GULP1: variants seen among roughly 807,000 people sequenced by gnomAD.
GULP1 encodes GULP PTB domain containing engulfment adaptor 1, also known as PTB domain-containing engulfment adapter protein 1.
A neutral mutation model predicts 40.9 loss-of-function variants in GULP1; 19 were observed. That is an observed-to-expected ratio of 0.46 (90% CI 0.32 to 0.68). The LOEUF is 0.68. GULP1 is among the 30% of genes least tolerant of loss of function. The pLI, the probability that GULP1 is intolerant of heterozygous loss-of-function variation, is 0.03. For synonymous variants in GULP1, 119 were observed against 117.6 expected (o/e 1.01, Z -0.08); for missense variants, 312 against 362.2 (o/e 0.86, Z 1.12).
At chr2:188,372,033 T>A (rs1159916844) in intron 1 of GULP1, among the ~76,000 whole-genome samples, 1 of 152,126 alleles carries the variant, frequency 6.6e-6, no homozygotes, top group Non-Finnish European at 1.5e-5. Flanking sequence ...ACTATGAGAT[T>A]GGAAGACTTT....
chr2:188,398,095 C>G (rs568742571), intron 2 of GULP1, among the ~76,000 whole-genome samples: 6 of 152,300 alleles, frequency 3.9e-5, no homozygotes, highest in African/African-American at 1.4e-4. Flanking sequence ...TTAAAAGATA[C>G]ACACAGAGGA....
At chr2:188,526,038 C>T (rs1173084357) in intron 5 of GULP1, among the ~76,000 whole-genome samples, 1 of 152,072 alleles carries the variant, frequency 6.6e-6, no homozygotes. Flanking sequence ...ACTCTATATT[C>T]CATTAGTAGT....
At chr2:188,592,789 A>G (rs928543645) in intron 11 of GULP1, 1 of 152,142 alleles carries the variant, frequency 6.6e-6, no homozygotes, top group Non-Finnish European at 1.5e-5. Flanking sequence ...TAATTTGGAG[A>G]GATGCAAAAA....
chr2:188,542,168 T>C (rs1416877682), intron 7 of GULP1: 1 of 152,074 alleles, frequency 6.6e-6, no homozygotes, highest in Non-Finnish European at 1.5e-5. Context: ...TATGAAATTC[T>C]ATGTTAAATC....
At chr2:188,315,258 ATGT>A (rs1396133154) in intron 1 of GULP1, among the ~76,000 whole-genome samples, 4 of 152,158 alleles carry the variant, frequency 2.6e-5, no homozygotes, top group Non-Finnish European at 5.9e-5. Flanking sequence ...TTATTACAGT[ATGT>A]TGTTGTAATT....
At chr2:188,376,850 A>C (rs921310980) in intron 1 of GULP1, among the ~76,000 whole-genome samples, 1 of 152,194 alleles carries the variant, frequency 6.6e-6, no homozygotes, top group South Asian at 2.1e-4. Flanking sequence ...ACTTTTTGAC[A>C]GGAATTTCAC....
chr2:188,363,183 G>A (rs1269186797), intron 1 of GULP1, among the ~76,000 whole-genome samples: 1 of 151,974 alleles, frequency 6.6e-6, no homozygotes, highest in African/African-American at 2.4e-5. Context: ...AGAATTTAAA[G>A]TCATAACATC....
intron 2 of GULP1, among the ~76,000 whole-genome samples, chr2:188,420,006 T>C (rs2055160727): frequency 6.6e-6 from 1 of 152,172 alleles, no homozygotes; most frequent in Non-Finnish European, 1.5e-5. Context: ...TTGACTATAT[T>C]TGTATGGGCT....
intron 4 of GULP1, among the ~76,000 whole-genome samples, chr2:188,501,179 C>T (rs1375832147): frequency 6.6e-6 from 1 of 151,880 alleles, no homozygotes; most frequent in Non-Finnish European, 1.5e-5. Flanking sequence ...ATAGTCCCCA[C>T]GTATCAAGGG....
chr2:188,311,804 ATATACT>A (rs1360743130), intron 1 of GULP1, among the ~76,000 whole-genome samples: 6 of 148,056 alleles, frequency 4.1e-5, no homozygotes, highest in African/African-American at 9.8e-5. Flanking sequence ...ATTTGTATGC[ATATACT>A]TATACGTATA....
At chr2:188,331,695 T>TA (rs1315431560) in intron 1 of GULP1, among the ~76,000 whole-genome samples, 4 of 152,182 alleles carry the variant, frequency 2.6e-5, no homozygotes, top group Admixed American at 6.5e-5. Context: ...TTTATGTATT[T>TA]AAAAAATCCA....
At chr2:188,432,859 A>G (rs777563568) in intron 2 of GULP1, among the ~76,000 whole-genome samples, 1 of 152,136 alleles carries the variant, frequency 6.6e-6, no homozygotes, top group Admixed American at 6.5e-5. Flanking sequence ...TACAAAATAC[A>G]TGTCCCTACA....
intron 7 of GULP1, among the ~76,000 whole-genome samples, chr2:188,561,297 C>CT (rs760777394): frequency 1.3e-5 from 2 of 152,152 alleles, no homozygotes; most frequent in Non-Finnish European, 2.9e-5. Flanking sequence ...GCACAGTGGA[C>CT]TGAGCAGGTG....
chr2:188,505,581 C>A (rs1395301416), intron 4 of GULP1, among the ~76,000 whole-genome samples: 1 of 151,672 alleles, frequency 6.6e-6, no homozygotes, highest in African/African-American at 2.4e-5. Flanking sequence ...GTACTGATTT[C>A]CTTGTACAAA....
chr2:188,313,566 C>T (rs13424443), intron 1 of GULP1, among the ~76,000 whole-genome samples: 3,415 of 152,156 alleles, frequency 0.022, 137 homozygotes, highest in African/African-American at 0.078. Context: ...CAGCTGTGCT[C>T]CTTTTGCTTA....
In GULP1 at chr2:188,548,325, G is replaced by A. The variant is rs537232786; in HGVS notation, c.399+7007G>A. ...GGATCAATTGTATTGCTGTATACTAGTAGTGAACATATGGATACAGAAATT... is the reference window on the plus strand; with the variant it reads ...GGATCAATTGTATTGCTGTATACTAATAGTGAACATATGGATACAGAAATT... On this transcript the variant is annotated intron_variant, in intron 7 of 11. Transcript: ENST00000409830. Among the ~76,000 whole-genome samples, 4 of 152,178 alleles carry A rather than the reference G, an allele frequency of 2.6e-5. No homozygotes were observed. In the South Asian group the frequency reaches 8.3e-4, roughly 32 times the overall value.
intron 2 of GULP1, among the ~76,000 whole-genome samples, chr2:188,431,465 C>A (rs751807493): frequency 6.6e-6 from 1 of 151,948 alleles, no homozygotes; most frequent in Non-Finnish European, 1.5e-5. Flanking sequence ...ATCTGAGAAA[C>A]TTAAAAGAAA....
chr2:188,335,864 G>A (rs1183934444), intron 1 of GULP1, among the ~76,000 whole-genome samples: 1 of 152,114 alleles, frequency 6.6e-6, no homozygotes, highest in Non-Finnish European at 1.5e-5. Flanking sequence ...GCAGAATTTT[G>A]GTTGTGTGAA....
At chr2:188,325,970 A>G (rs2040702276) in intron 1 of GULP1, among the ~76,000 whole-genome samples, 1 of 152,132 alleles carries the variant, frequency 6.6e-6, no homozygotes, top group South Asian at 2.1e-4. Context: ...ATGTAGCAGT[A>G]ATATATTTTC....
Sources: gnomAD v4.1 joint callset for allele counts (sites outside exome capture counted in the v4.1 genomes callset) on GRCh38, gnomAD v4.1.1 for gene constraint, MANE v1.5 for transcripts, NCBI Gene and HGNC (gene_info 2026-07-23, HGNC 2026-07-21) for gene names.